Variants in PTK7 observed in about 807,000 individuals in gnomAD.
The protein encoded by PTK7 is inactive tyrosine-protein kinase 7.
A neutral mutation model predicts 116.6 loss-of-function variants in PTK7; 39 were observed. The observed-to-expected ratio is 0.33, with a 90% CI of 0.26 to 0.44. The LOEUF (loss-of-function observed/expected upper bound fraction) is 0.44, where lower values mean the gene tolerates loss of function less well. Among genes scored for constraint, PTK7 ranks in the 20% least tolerant of loss-of-function variants. The probability of loss-of-function intolerance (pLI) is 1.00; values close to 1 mark genes in which losing one functional copy is unlikely to be tolerated. For missense variants in PTK7, 1,169 were observed against 1,425.6 expected (o/e 0.82, Z 2.90); for synonymous variants, 546 against 563.6 (o/e 0.97, Z 0.44).
In PTK7 at chr6:43,076,772, G is replaced by A; in HGVS notation, c.79+205G>A. ...CGAAGCCTCCAGGGACGCGGTCAGG[G>A]TACCCCTCCCACTCGCGCCGCGGGG... On this transcript the variant is annotated intron_variant, in intron 1 of 19. Transcript: ENST00000230419. The surrounding 1 kb of genome is among the most constrained non-coding windows in gnomAD (Gnocchi z 5.7). The A allele has an allele frequency of 7.1e-7, 1 of 1,405,094 alleles. No homozygotes were observed. Among genetic ancestry groups the A allele is most frequent in the Non-Finnish European group, 9.3e-7 (1 of 1,079,320 alleles). The allele number at this position is 1,405,094 out of a possible 1,614,324, so 87.0% of individuals were successfully genotyped here.
intron 1 of PTK7, among the ~76,000 whole-genome samples, chr6:43,098,650 C>T (rs1582085353): frequency 6.6e-6 from 1 of 152,126 alleles, no homozygotes; most frequent in Non-Finnish European, 1.5e-5. Flanking sequence ...GCCACCGCGT[C>T]CTGCCAAGTC....
At chr6:43,113,550 T>C (rs1768310737) in intron 1 of PTK7, among the ~76,000 whole-genome samples, 1 of 152,120 alleles carries the variant, frequency 6.6e-6, no homozygotes, top group Non-Finnish European at 1.5e-5. Flanking sequence ...TCTTGGGAGC[T>C]GGGGGTATGT....
intron 1 of PTK7, among the ~76,000 whole-genome samples, chr6:43,085,953 A>AT (rs35966868): frequency 0.11 from 16,088 of 147,848 alleles, 1,474 homozygotes; most frequent in African/African-American, 0.22. Context: ...AAAAAAAAAA[A>AT]ACATGGCTTC....
chr6:43,079,552 C>T (rs187953816), intron 1 of PTK7, among the ~76,000 whole-genome samples: 13 of 151,564 alleles, frequency 8.6e-5, no homozygotes, highest in African/African-American at 2.4e-4. Flanking sequence ...AAAATGGTGT[C>T]GTATTTACAT....
chr6:43,132,425 T>C lies in PTK7; in HGVS notation c.966T>C (p.Ile322=). 6.4e-7 allele frequency: 1 copy of C among 1,571,994 alleles called. No homozygotes were observed. Among genetic ancestry groups the C allele is most frequent in the Non-Finnish European group, 8.7e-7 (1 of 1,153,786 alleles). ...ILEATLHLAE[I]EDMPLFEPRV... is the part of the protein sequence containing the mutation. The stretch of plus-strand genomic sequence containing the variant: ...CTCCTACTTATGTCCTTGCAGAGAT[T>C]GAAGACATGCCGCTATTTGAGCCAC... The change falls in exon 7 of 20, where the codon ATT becomes ATC. Residue 322 remains isoleucine (I), a synonymous_variant. Transcript: ENST00000230419.
In PTK7 at chr6:43,130,311, C is replaced by T. The variant is rs761950581; in HGVS notation, c.552C>T (p.Asn184=). ...ACACAGTCAGCAGCAAGGAGCGGAA[C>T]CTGACGCTCCGGCCAGCTGGTCCTG... ...SNHTVSSKER[N]LTLRPAGPEH... The change falls in exon 4 of 20, where the codon AAC becomes AAT. Residue 184 remains asparagine (N), a synonymous_variant. Coordinates refer to ENST00000230419, the MANE Select transcript of PTK7 (RefSeq NM_002821.5). The T allele has an allele frequency of 6.2e-7, 1 of 1,612,558 alleles. No homozygotes were observed.
chr6:43,087,531 T>A (rs1766726911), intron 1 of PTK7, among the ~76,000 whole-genome samples: 1 of 152,148 alleles, frequency 6.6e-6, no homozygotes. Context: ...GCTCCAGCGC[T>A]GGGTATCCTG....
intron 17 of PTK7, among the ~76,000 whole-genome samples, chr6:43,158,391 C>G (rs2150484010): frequency 6.6e-6 from 1 of 152,178 alleles, no homozygotes; most frequent in Non-Finnish European, 1.5e-5. Context: ...TGCTTGAGCC[C>G]AGGAGTTTAG....
At position 43,141,350 on chromosome 6, in the gene PTK7, A is replaced by G. The variant is rs1770393894; in HGVS notation, c.1619-318A>G. 1.3e-5 allele frequency among the ~76,000 whole-genome samples: 2 copies of G among 152,140 alleles called. No homozygotes were observed. The highest frequency in any genetic ancestry group is 2.1e-4 in the South Asian group (1 of 4,830). On this transcript the variant is annotated intron_variant, in intron 10 of 19. Coordinates refer to ENST00000230419, the MANE Select transcript of PTK7 (RefSeq NM_002821.5). This position sits in a 1 kb window ranked among gnomAD's most constrained non-coding sequence, Gnocchi z 4.9. The stretch of plus-strand genomic sequence containing the variant: ...AAATGGATCTACAGCCTGGGATGGT[A>G]AAGAGCGGGAATGGGCTCTAGGAGG...
At chr6:43,078,347 G>T (rs1253077035) in intron 1 of PTK7, among the ~76,000 whole-genome samples, 1 of 152,038 alleles carries the variant, frequency 6.6e-6, no homozygotes, top group Admixed American at 6.6e-5. Flanking sequence ...CCTCAGGGGT[G>T]GGGGGATGTC....
At chr6:43,080,150 A>G (rs571030796) in intron 1 of PTK7, among the ~76,000 whole-genome samples, 24 of 152,004 alleles carry the variant, frequency 1.6e-4, no homozygotes, top group African/African-American at 5.8e-4. Context: ...TAGGAGAGCG[A>G]GACCATCCTG....
chr6:43,111,852 T>C (rs999205098), intron 1 of PTK7, among the ~76,000 whole-genome samples: 1 of 151,526 alleles, frequency 6.6e-6, no homozygotes, highest in African/African-American at 2.4e-5. Flanking sequence ...TTTTTTTTTT[T>C]TTAATATTTA....
In PTK7 at chr6:43,161,074, G is replaced by C. The variant is rs1771820241; in HGVS notation, c.*193G>C. ...CCTCATCCTTTGGGAGGCTGACTTGGACCCAAACTGGGCGACTAGGGCTTT... is the reference window on the plus strand; with the variant it reads ...CCTCATCCTTTGGGAGGCTGACTTGCACCCAAACTGGGCGACTAGGGCTTT... On this transcript the variant is annotated 3_prime_UTR_variant, in exon 20 of 20. Coordinates refer to ENST00000230419, the MANE Select transcript of PTK7 (RefSeq NM_002821.5). The C allele has an allele frequency of 1.2e-6, 1 of 802,078 alleles. No homozygotes were observed. The highest frequency in any genetic ancestry group is 1.7e-5 in the African/African-American group (1 of 57,544). 49.7% of individuals were successfully genotyped at this position (802,078 alleles called of 1,614,324 possible).
At chr6:43,098,705 A>G (rs1767392063) in intron 1 of PTK7, among the ~76,000 whole-genome samples, 1 of 152,208 alleles carries the variant, frequency 6.6e-6, no homozygotes, top group South Asian at 2.1e-4. Flanking sequence ...AGAATTGAAA[A>G]GCAAGAAATA....
chr6:43,143,255 G>T lies in PTK7; in HGVS notation c.2048-162G>T. ...TCAGAGTCTTCGTTTGACCTTGGTG[G>T]GGCATGAGGACCTGCTGGCCCTTGT... is the stretch of plus-strand genomic sequence containing the variant. On this transcript the variant is annotated intron_variant, in intron 13 of 19. Transcript: ENST00000230419. This position sits in a 1 kb window ranked among gnomAD's most constrained non-coding sequence, Gnocchi z 4.2. The T allele has an allele frequency of 1.6e-6, 1 of 644,844 alleles. No individual in the cohort carries two copies. Among genetic ancestry groups the T allele is most frequent in the Non-Finnish European group, 2.7e-6 (1 of 376,748 alleles). The allele number at this position is 644,844 out of a possible 1,614,324, so 39.9% of individuals were successfully genotyped here. A position where few individuals can be genotyped will look rare whatever the true frequency, so the allele number is the denominator to read the frequency against.
intron 17 of PTK7, among the ~76,000 whole-genome samples, chr6:43,153,650 A>G (rs532227914): frequency 1.5e-4 from 23 of 152,296 alleles, no homozygotes; most frequent in Middle Eastern, 3.4e-3. Context: ...GGCTCAAGCA[A>G]TCCTCCCACA....
At chr6:43,091,644 G>A (rs1369355015) in intron 1 of PTK7, among the ~76,000 whole-genome samples, 1 of 151,996 alleles carries the variant, frequency 6.6e-6, no homozygotes, top group African/African-American at 2.4e-5. Context: ...CCTTATCTGT[G>A]GTTTCATTTT....
chr6:43,134,070 A>G (rs1769876362), intron 7 of PTK7, among the ~76,000 whole-genome samples: 1 of 151,954 alleles, frequency 6.6e-6, no homozygotes, highest in African/African-American at 2.4e-5. Context: ...ACGGAGTCTC[A>G]CTCTGTCACC....
rs568267646 is a variant in PTK7 at position 43,077,132 on chromosome 6, T to A, written c.79+565T>A. On this transcript the variant is annotated intron_variant, in intron 1 of 19. Transcript: ENST00000230419. The stretch of plus-strand genomic sequence containing the variant: ...CTGAGACCCCAGATGGCCCTGCGGG[T>A]GAGGGCGGAAGAAGGGAAGAGTTAG... 65 of 967,576 alleles carry A rather than the reference T, an allele frequency of 6.7e-5. No homozygotes were observed. The South Asian group carries it at 2.0e-3, about 30-fold the overall frequency. 59.9% of individuals were successfully genotyped at this position (967,576 alleles called of 1,614,324 possible).
Sources: allele counts gnomAD v4.1 joint callset (sites outside exome capture counted in the v4.1 genomes callset), GRCh38; gene constraint gnomAD v4.1.1; non-coding constraint Gnocchi (gnomAD v3.1); transcripts MANE v1.5; gene names NCBI Gene and HGNC (gene_info 2026-07-23, HGNC 2026-07-21).